Variants in FKBP5 observed in about 807,000 individuals in gnomAD.
FKBP5 encodes peptidyl-prolyl cis-trans isomerase FKBP5.
FKBP5 carries 23 observed loss-of-function variants against 50.5 expected under a neutral mutation model. The observed-to-expected ratio is 0.46, with a 90% CI of 0.33 to 0.65. The LOEUF (loss-of-function observed/expected upper bound fraction) is 0.65. FKBP5 is among the 30% of genes least tolerant of loss of function. The probability of loss-of-function intolerance (pLI) is 0.02; values close to 1 mark genes in which losing one functional copy is unlikely to be tolerated. For missense variants in FKBP5, 411 were observed against 553.1 expected (o/e 0.74, Z 2.58); for synonymous variants, 176 against 190.6 (o/e 0.92, Z 0.63).
At chr6:35,698,112 G>A (rs890155183) in intron 2 of FKBP5, among the ~76,000 whole-genome samples, 2 of 152,218 alleles carry the variant, frequency 1.3e-5, no homozygotes, top group African/African-American at 4.8e-5. Flanking sequence ...GGAGGCCAAG[G>A]TGGGTGAATC....
At chr6:35,605,893 C>T (rs1041808417) in intron 5 of FKBP5, among the ~76,000 whole-genome samples, 2 of 152,180 alleles carry the variant, frequency 1.3e-5, no homozygotes, top group African/African-American at 4.8e-5. Context: ...AGACGTCTAC[C>T]TCTCACCATA....
intron 5 of FKBP5, among the ~76,000 whole-genome samples, chr6:35,602,858 GT>G (rs911084509): frequency 6.6e-6 from 1 of 152,256 alleles, no homozygotes; most frequent in African/African-American, 2.4e-5. Context: ...GGTTGATCAA[GT>G]TTGAATGTTT....
chr6:35,650,363 G>A (rs1488567021), intron 1 of FKBP5, among the ~76,000 whole-genome samples: 1 of 150,772 alleles, frequency 6.6e-6, no homozygotes, highest in Non-Finnish European at 1.5e-5. Flanking sequence ...TGTTAATGGT[G>A]CATAGTGCCC....
At chr6:35,701,305 G>A (rs1766183300) in intron 2 of FKBP5, among the ~76,000 whole-genome samples, 1 of 147,824 alleles carries the variant, frequency 6.8e-6, no homozygotes, top group African/African-American at 2.5e-5. Context: ...GTGCAGTGGC[G>A]GGATCTCGGC....
chr6:35,708,254 C>T (rs1028630238), intron 2 of FKBP5, among the ~76,000 whole-genome samples: 1 of 152,122 alleles, frequency 6.6e-6, no homozygotes, highest in African/African-American at 2.4e-5. Context: ...TACATTCGTA[C>T]AATGGAATTC....
intron 2 of FKBP5, among the ~76,000 whole-genome samples, chr6:35,714,322 T>C (rs1033361725): frequency 1.8e-4 from 6 of 33,612 alleles, no homozygotes; most frequent in African/African-American, 3.9e-4. Flanking sequence ...CGTGGTGGCA[T>C]GTGCCTGTAA....
In FKBP5 at chr6:35,585,886, T is replaced by C. The variant is rs1762583649; in HGVS notation, c.840+1148A>G. On this transcript the variant is annotated intron_variant, in intron 8 of 10. Coordinates refer to ENST00000357266, the MANE Select transcript of FKBP5 (RefSeq NM_004117.4). ...GGCTGTGTTAATTTTGGGTTGATTATATATTCTTACATAATTCTCTAGTTG... is the reference window on the plus strand; with the variant it reads ...GGCTGTGTTAATTTTGGGTTGATTACATATTCTTACATAATTCTCTAGTTG... The C allele has an allele frequency of 9.1e-6, 9 of 985,258 alleles. 1 individual carries two copies. The South Asian group carries it at 3.8e-4, about 41-fold the overall frequency. 61.0% of individuals were successfully genotyped at this position (985,258 alleles called of 1,614,324 possible).
chr6:35,727,602 G>C (rs1198236027), intron 1 of FKBP5, among the ~76,000 whole-genome samples: 4 of 152,224 alleles, frequency 2.6e-5, no homozygotes, highest in African/African-American at 7.2e-5. Flanking sequence ...ATCAGGGAAG[G>C]GGGGCTAGGA....
At position 35,619,199 on chromosome 6, in the gene FKBP5, AAGG is replaced by A. The variant is rs1217191263; in HGVS notation, c.402_404del (p.Leu135del). The stretch of plus-strand genomic sequence containing the variant: ...CAAATAAATCCTCTCCTTTGAAATC[AAGG>A]AGCTCAATCTAGAAAGAAAAAAGGA... On this transcript the variant is annotated inframe_deletion, in exon 5 of 11. Coordinates refer to ENST00000357266, the MANE Select transcript of FKBP5 (RefSeq NM_004117.4). 5.0e-6 allele frequency: 8 copies of A among 1,611,518 alleles called. No individual in the cohort carries two copies.
At chr6:35,708,787 T>C (rs1181054472) in intron 2 of FKBP5, among the ~76,000 whole-genome samples, 1 of 152,044 alleles carries the variant, frequency 6.6e-6, no homozygotes, top group Non-Finnish European at 1.5e-5. Flanking sequence ...TTTTGCTGGA[T>C]AGATGCAGAT....
In FKBP5 at chr6:35,724,489, A is replaced by T. The variant is rs74913227; in HGVS notation, c.-240-3941T>A. ...CTCCAAGGAGGCAGAGTTCTCCTTC[A>T]TTTGAAGGGAGAAGGGAGTAAGACT... On this transcript the variant is annotated intron_variant, in intron 1 of 11. Transcript: ENST00000536438. Among the ~76,000 whole-genome samples, 549 of 152,300 alleles carry T rather than the reference A, an allele frequency of 3.6e-3. 1 individual carries two copies. Among genetic ancestry groups the T allele is most frequent in the South Asian group, 6.6e-3 (32 of 4,830 alleles).
At chr6:35,715,918 G>A (rs546532757) in intron 2 of FKBP5, among the ~76,000 whole-genome samples, 1 of 152,348 alleles carries the variant, frequency 6.6e-6, no homozygotes, top group Admixed American at 6.5e-5. Context: ...GGGAAGTGGT[G>A]AGAAATGCCA....
At chr6:35,637,612 C>A (rs1052689518) in intron 2 of FKBP5, among the ~76,000 whole-genome samples, 1 of 151,942 alleles carries the variant, frequency 6.6e-6, no homozygotes, top group Non-Finnish European at 1.5e-5. Flanking sequence ...TACAGGCGTG[C>A]GCCTCCGTGC....
At chr6:35,598,700 C>T (rs564587569) in intron 5 of FKBP5, among the ~76,000 whole-genome samples, 11 of 152,120 alleles carry the variant, frequency 7.2e-5, no homozygotes, top group East Asian at 5.8e-4. Context: ...TGACTGGGCG[C>T]GGTGCTCACG....
intron 6 of FKBP5, 33 bp from the exon 7 acceptor site, chr6:35,591,253 A>G (rs1370815723): frequency 2.1e-6 from 3 of 1,446,122 alleles, no homozygotes; most frequent in Non-Finnish European, 2.9e-6. Flanking sequence ...AAACTTTAAA[A>G]GGATTGGTGT....
At chr6:35,640,546 C>T (rs1483190719) in intron 2 of FKBP5, among the ~76,000 whole-genome samples, 1 of 152,038 alleles carries the variant, frequency 6.6e-6, no homozygotes, top group African/African-American at 2.4e-5. Flanking sequence ...ACACTGGACA[C>T]CTAGACTACA....
intron 5 of FKBP5, among the ~76,000 whole-genome samples, chr6:35,600,887 A>T (rs1763125610): frequency 6.6e-6 from 1 of 152,168 alleles, no homozygotes; most frequent in African/African-American, 2.4e-5. Context: ...TAATTTCAGA[A>T]GTTCTCTTTA....
At chr6:35,655,063 T>C (rs1243532833) in intron 1 of FKBP5, among the ~76,000 whole-genome samples, 1 of 152,098 alleles carries the variant, frequency 6.6e-6, no homozygotes. Context: ...GGCTCACAAC[T>C]GTAATCCCAG....
At position 35,680,454 on chromosome 6, in the gene FKBP5, T is replaced by C. The variant is rs567524411; in HGVS notation, c.-20+8350A>G. On this transcript the variant is annotated intron_variant, in intron 1 of 10. Transcript: ENST00000357266. ...CAAAAGAAAAAACAAAAAGAACCAA[T>C]ATCCATTAATTATGCCTAATACTAA... 9.2e-5 allele frequency among the ~76,000 whole-genome samples: 14 copies of C among 152,238 alleles called. No homozygotes were observed. In the East Asian group the frequency reaches 1.7e-3, roughly 19 times the overall value.
Sources: allele counts gnomAD v4.1 joint callset (sites outside exome capture counted in the v4.1 genomes callset), GRCh38; gene constraint gnomAD v4.1.1; transcripts MANE v1.5; gene names NCBI Gene and HGNC (gene_info 2026-07-23, HGNC 2026-07-21).